Variants in BLTP3B observed in about 807,000 individuals in gnomAD.
BLTP3B encodes the protein bridge-like lipid transfer protein family member 3B.
the BLTP3B span, among the ~76,000 whole-genome samples, chr12:100,132,668 C>T: frequency 4.6e-5 from 7 of 152,032 alleles, no homozygotes; most frequent in Non-Finnish European, 7.4e-5. Flanking sequence ...ATTTTTTGGC[C>T]GGGTGTGGTG....
chr12:100,057,719 G>T, the BLTP3B span: 1 of 1,611,080 alleles, frequency 6.2e-7, no homozygotes, highest in African/African-American at 1.3e-5. Flanking sequence ...GAGCCAGGTT[G>T]GGTGGGCAAC....
At chr12:100,072,542 C>CA in the BLTP3B span, 1 of 873,246 alleles carries the variant, frequency 1.1e-6, no homozygotes, top group East Asian at 3.3e-5. Flanking sequence ...TGCTAGCTCT[C>CA]AAAAAACTAA....
the BLTP3B span, among the ~76,000 whole-genome samples, chr12:100,079,972 G>A: frequency 3.9e-5 from 6 of 152,236 alleles, no homozygotes; most frequent in Admixed American, 3.3e-4. Context: ...GCCTGCTGGT[G>A]CACAGAAGTC....
At chr12:100,049,238 A>C in the BLTP3B span, among the ~76,000 whole-genome samples, 2 of 152,188 alleles carry the variant, frequency 1.3e-5, no homozygotes, top group Non-Finnish European at 2.9e-5. Flanking sequence ...TTTGCAACTC[A>C]TATAACCTTT....
At chr12:100,084,575 C>G in the BLTP3B span, 32 of 1,613,994 alleles carry the variant, frequency 2.0e-5, no homozygotes, top group Non-Finnish European at 2.5e-5. Context: ...ACGTTGCACT[C>G]AAATTCATGC....
chr12:100,057,201 A>C, the BLTP3B span, among the ~76,000 whole-genome samples: 1 of 152,164 alleles, frequency 6.6e-6, no homozygotes, highest in Non-Finnish European at 1.5e-5. Flanking sequence ...CGCCTGCTTT[A>C]TGGTCTAAAT....
chr12:100,107,289 CAAA>C, the BLTP3B span, among the ~76,000 whole-genome samples: 4 of 35,348 alleles, frequency 1.1e-4, no homozygotes, highest in Non-Finnish European at 1.9e-4. Context: ...CTCCATCTCC[CAAA>C]AAAAAAAAAA....
At chr12:100,059,005 C>A in the BLTP3B span, 1 of 1,614,124 alleles carries the variant, frequency 6.2e-7, no homozygotes, top group South Asian at 1.1e-5. Context: ...CCAGCCAGAT[C>A]ACTAGATTCA....
At chr12:100,141,389 GTATGTGTATA>G in the BLTP3B span, among the ~76,000 whole-genome samples, 27 of 142,014 alleles carry the variant, frequency 1.9e-4, no homozygotes, top group Non-Finnish European at 3.1e-4. Context: ...ACATATATAT[GTATGTGTATA>G]TATGTGTATA....
the BLTP3B span, among the ~76,000 whole-genome samples, chr12:100,062,550 T>C: frequency 4.6e-5 from 7 of 152,194 alleles, no homozygotes; most frequent in Admixed American, 1.3e-4. Flanking sequence ...ACCAGGTATC[T>C]ACAGGGGTCA....
At chr12:100,047,616 G>C in the BLTP3B span, 1 of 1,611,866 alleles carries the variant, frequency 6.2e-7, no homozygotes, top group African/African-American at 1.3e-5. Context: ...AAGGGATACT[G>C]TACTACTCCG....
At chr12:100,104,298 G>C in the BLTP3B span, among the ~76,000 whole-genome samples, 1 of 147,914 alleles carries the variant, frequency 6.8e-6, no homozygotes, top group African/African-American at 2.5e-5. Flanking sequence ...TCCACCTCCT[G>C]GGTTCAAGCA....
the BLTP3B span, among the ~76,000 whole-genome samples, chr12:100,106,764 A>G: frequency 6.6e-6 from 1 of 152,232 alleles, no homozygotes. Context: ...ATAAAAAAAA[A>G]TTTACTGAAA....
At chr12:100,051,204 T>C in the BLTP3B span, 6 of 1,604,962 alleles carry the variant, frequency 3.7e-6, no homozygotes, top group Non-Finnish European at 5.1e-6. Context: ...TAATTTGTAG[T>C]TGAGTTCTTT....
chr12:100,104,096 C>A, the BLTP3B span: 1 of 490,920 alleles, frequency 2.0e-6, no homozygotes, highest in Non-Finnish European at 3.4e-6. Flanking sequence ...ATAAACTAAG[C>A]AACTCACTCA....
At chr12:100,109,683 T>C in the BLTP3B span, among the ~76,000 whole-genome samples, 2 of 151,760 alleles carry the variant, frequency 1.3e-5, no homozygotes, top group African/African-American at 4.8e-5. Context: ...GGAGTTTCGC[T>C]TCAGTCCAGG....
At chr12:100,039,282 T>G in the BLTP3B span, among the ~76,000 whole-genome samples, 1 of 151,504 alleles carries the variant, frequency 6.6e-6, no homozygotes, top group African/African-American at 2.4e-5. Context: ...AATACAGCAA[T>G]ATGAAAAAAT....
chr12:100,098,387 T>G, the BLTP3B span: 1 of 1,611,062 alleles, frequency 6.2e-7, no homozygotes, highest in Non-Finnish European at 8.5e-7. Flanking sequence ...CGAGTAAATC[T>G]CAAATCTCCA....
the BLTP3B span, among the ~76,000 whole-genome samples, chr12:100,130,446 A>T: frequency 6.6e-6 from 1 of 152,218 alleles, no homozygotes; most frequent in East Asian, 1.9e-4. Context: ...TTTTATTTGT[A>T]TATTTTACAG....
Sources: gnomAD v4.1 joint callset for allele counts (sites outside exome capture counted in the v4.1 genomes callset) on GRCh38, gnomAD v4.1.1 for gene constraint, MANE v1.5 for transcripts, NCBI Gene and HGNC (gene_info 2026-07-23, HGNC 2026-07-21) for gene names.